Variants in PTPRD observed in about 807,000 individuals in gnomAD.
PTPRD encodes protein tyrosine phosphatase receptor type D, also known as receptor-type tyrosine-protein phosphatase delta.
Under a neutral mutation model 214.5 loss-of-function variants are expected in PTPRD, and 34 were observed. The ratio of observed to expected loss-of-function variants is 0.16; its 90% CI spans 0.12 to 0.21. PTPRD has a LOEUF of 0.21. PTPRD is among the 10% of genes least tolerant of loss of function. The pLI is 1.00. For synonymous variants in PTPRD, 1,128 were observed against 845.7 expected, an observed-to-expected ratio of 1.33 and a Z score of -5.79; for missense variants, 2,545 against 2,398.7, an observed-to-expected ratio of 1.06 and a Z score of -1.27.
At chr9:10,227,774 A>G (rs773206027) in intron 3 of PTPRD, among the ~76,000 whole-genome samples, 2 of 151,984 alleles carry the variant, frequency 1.3e-5, no homozygotes, top group African/African-American at 2.4e-5. Context: ...AAAATAGAAA[A>G]CATTCCTTCA....
At chr9:9,590,384 A>G (rs1053793282) in intron 7 of PTPRD, among the ~76,000 whole-genome samples, 2 of 152,156 alleles carry the variant, frequency 1.3e-5, no homozygotes, top group South Asian at 4.1e-4. Context: ...CTCTGTACCT[A>G]TGACAGTGTT....
intron 11 of PTPRD, among the ~76,000 whole-genome samples, chr9:8,938,281 G>A (rs1281339596): frequency 6.6e-6 from 1 of 151,848 alleles, no homozygotes; most frequent in African/African-American, 2.4e-5. Flanking sequence ...GGAGAAGAGA[G>A]GAGATGAGAA....
chr9:9,547,092 T>C (rs900315873), intron 8 of PTPRD, among the ~76,000 whole-genome samples: 14 of 152,168 alleles, frequency 9.2e-5, no homozygotes, highest in African/African-American at 3.1e-4. Context: ...ACAAAGACTC[T>C]ACAAAAACCA....
At chr9:10,121,771 C>T (rs547863526) in intron 3 of PTPRD, among the ~76,000 whole-genome samples, 1 of 152,104 alleles carries the variant, frequency 6.6e-6, no homozygotes, top group Non-Finnish European at 1.5e-5. Context: ...TTACGCAGAC[C>T]CTTTGTAGGT....
chr9:10,601,149 AT>A (rs1242325310), intron 2 of PTPRD, among the ~76,000 whole-genome samples: 1 of 151,826 alleles, frequency 6.6e-6, no homozygotes, highest in African/African-American at 2.4e-5. Flanking sequence ...TATTTTAATC[AT>A]GATCATATTT....
At chr9:9,203,334 T>A (rs1249110868) in intron 9 of PTPRD, among the ~76,000 whole-genome samples, 1 of 152,224 alleles carries the variant, frequency 6.6e-6, no homozygotes. Flanking sequence ...GCCACAAAAC[T>A]GGCATATAGT....
intron 11 of PTPRD, among the ~76,000 whole-genome samples, chr9:8,913,130 TA>T (rs143600787): frequency 1.1e-3 from 174 of 151,656 alleles, no homozygotes; most frequent in African/African-American, 3.7e-3. Context: ...GAATTTTCTT[TA>T]AAAAAAAACT....
intron 11 of PTPRD, among the ~76,000 whole-genome samples, chr9:8,876,364 A>C (rs968259): frequency 0.99 from 149,973 of 152,218 alleles, 73,913 homozygotes; most frequent in Middle Eastern, 1. Flanking sequence ...AGCCTATAAT[A>C]TACTAAATGC....
chr9:9,936,941 T>C (rs2089694806), intron 5 of PTPRD, among the ~76,000 whole-genome samples: 1 of 149,546 alleles, frequency 6.7e-6, no homozygotes, highest in African/African-American at 2.5e-5. Context: ...TGGATGTAAT[T>C]GGAAATCATC....
intron 2 of PTPRD, among the ~76,000 whole-genome samples, chr9:10,606,279 T>C (rs970756040): frequency 1.3e-5 from 2 of 151,834 alleles, no homozygotes; most frequent in South Asian, 2.1e-4. Flanking sequence ...GAATAAGAAA[T>C]GAAATAATTC....
chr9:10,050,824 T>C (rs569696584), intron 3 of PTPRD, among the ~76,000 whole-genome samples: 23 of 152,182 alleles, frequency 1.5e-4, no homozygotes, highest in South Asian at 8.3e-4. Flanking sequence ...GGGTGAGTTG[T>C]GGGTCTCCAT....
intron 8 of PTPRD, among the ~76,000 whole-genome samples, chr9:9,457,024 T>C (rs1189930031): frequency 3.3e-5 from 5 of 151,958 alleles, no homozygotes; most frequent in African/African-American, 4.8e-5. Flanking sequence ...TGCCCAGTCA[T>C]AGGGCAACTC....
At chr9:8,850,883 G>C (rs189308560) in intron 11 of PTPRD, among the ~76,000 whole-genome samples, 1 of 152,312 alleles carries the variant, frequency 6.6e-6, no homozygotes, top group Admixed American at 6.5e-5. Context: ...GATGGGATGG[G>C]CCAGGAGGAA....
intron 4 of PTPRD, among the ~76,000 whole-genome samples, chr9:9,999,084 G>C (rs1015220195): frequency 1.3e-5 from 2 of 152,138 alleles, no homozygotes; most frequent in African/African-American, 4.8e-5. Context: ...AGCACAACTA[G>C]CAAATGGCCA....
chr9:10,183,877 A>G (rs969775141), intron 3 of PTPRD, among the ~76,000 whole-genome samples: 12 of 152,238 alleles, frequency 7.9e-5, no homozygotes, highest in African/African-American at 2.9e-4. Context: ...CAAAGGAGAG[A>G]TAACTATTAT....
chr9:9,021,462 G>A (rs1294466457), intron 10 of PTPRD, among the ~76,000 whole-genome samples: 1 of 152,094 alleles, frequency 6.6e-6, no homozygotes, highest in Non-Finnish European at 1.5e-5. Flanking sequence ...ATTAATACTT[G>A]ATAATCAATG....
intron 4 of PTPRD, among the ~76,000 whole-genome samples, chr9:9,997,180 A>G (rs146349064): frequency 2.6e-5 from 4 of 152,348 alleles, no homozygotes; most frequent in East Asian, 1.9e-4. Flanking sequence ...TCAAGTAGCT[A>G]TTCTAAAATT....
At chr9:9,027,721 G>A (rs1259278446) in intron 10 of PTPRD, among the ~76,000 whole-genome samples, 1 of 151,798 alleles carries the variant, frequency 6.6e-6, no homozygotes, top group African/African-American at 2.4e-5. Context: ...AGGCTTAAAG[G>A]GAGAATAGGG....
chr9:10,263,741 C>T (rs960097447), intron 3 of PTPRD, among the ~76,000 whole-genome samples: 2 of 152,118 alleles, frequency 1.3e-5, no homozygotes, highest in Non-Finnish European at 2.9e-5. Flanking sequence ...GCAGAATTTG[C>T]ATAAATAACA....
Sources: gnomAD v4.1 joint callset for allele counts (sites outside exome capture counted in the v4.1 genomes callset) on GRCh38, gnomAD v4.1.1 for gene constraint, MANE v1.5 for transcripts, NCBI Gene and HGNC (gene_info 2026-07-23, HGNC 2026-07-21) for gene names.